Variants in MOK observed in about 807,000 individuals in gnomAD.
MOK encodes the protein MAPK/MAK/MRK overlapping kinase.
A neutral mutation model predicts 54.2 loss-of-function variants in MOK; 59 were observed. The observed-to-expected ratio is 1.09, with a 90% CI of 0.88 to 1.35. The LOEUF is 1.35. Ranked by LOEUF, MOK falls within the 40% of genes most tolerant of loss-of-function variation. The pLI, the probability that MOK is intolerant of heterozygous loss-of-function variation, is 0.00. For synonymous variants in MOK, 210 were observed against 202.7 expected (o/e 1.04, Z -0.31); for missense variants, 517 against 526.2 (o/e 0.98, Z 0.17).
At chr14:102,250,725 A>C (rs2066457763) in intron 7 of MOK, 87 bp downstream of exon 7, 1 of 1,239,598 alleles carries the variant, frequency 8.1e-7, no homozygotes. Flanking sequence ...AATGACCATG[A>C]CATCTGGATT....
At chr14:102,278,730 C>G (rs902987344) in intron 2 of MOK, 1 of 455,956 alleles carries the variant, frequency 2.2e-6, no homozygotes, top group South Asian at 1.5e-5. Context: ...CTCCCAGGGC[C>G]GCAGTGAGGA....
At chr14:102,277,838 C>T (rs1160108758) in intron 2 of MOK, among the ~76,000 whole-genome samples, 1 of 152,128 alleles carries the variant, frequency 6.6e-6, no homozygotes, top group Non-Finnish European at 1.5e-5. Flanking sequence ...TACAGATAAA[C>T]AATGTGCACT....
chr14:102,229,164 C>G lies in MOK; in HGVS notation c.*125G>C, dbSNP rs925613466. The G allele has an allele frequency of 4.2e-5, 44 of 1,055,772 alleles. No individual in the cohort carries two copies. Among genetic ancestry groups the G allele is most frequent in the Middle Eastern group, 3.1e-4 (1 of 3,198 alleles). 65.4% of individuals were successfully genotyped at this position (1,055,772 alleles called of 1,614,324 possible). ...GGGCGCAGGGCAGCACCCAGAGCCC[C>G]GGCCAGCGCGAAACGGACGCAGGCG... On this transcript the variant is annotated 3_prime_UTR_variant, in exon 12 of 12. Transcript: ENST00000361847.
intron 2 of MOK, among the ~76,000 whole-genome samples, chr14:102,267,164 T>C (rs974389193): frequency 6.6e-6 from 1 of 152,266 alleles, no homozygotes; most frequent in African/African-American, 2.4e-5. Flanking sequence ...GGACTATTTT[T>C]TCAACTGGCA....
chr14:102,265,785 C>G (rs747893179), intron 3 of MOK, 38 bp downstream of exon 3: 4 of 1,505,786 alleles, frequency 2.7e-6, no homozygotes, highest in Non-Finnish European at 3.7e-6. Flanking sequence ...TTATTTTCAT[C>G]AAATTTAGAT....
At chr14:102,276,791 CAAA>C (rs34807608) in intron 2 of MOK, among the ~76,000 whole-genome samples, 5 of 100,896 alleles carry the variant, frequency 5.0e-5, no homozygotes, top group Admixed American at 1.1e-4. Context: ...AACTCCGTCT[CAAA>C]AAAAAAAAAA....
chr14:102,226,178 C>T (rs955413360), downstream of MOK: 50 of 602,774 alleles, frequency 8.3e-5, no homozygotes, highest in Non-Finnish European at 1.4e-4. The surrounding 1 kb of genome is among the most constrained non-coding windows in gnomAD (Gnocchi z 4.8). Context: ...CTGCTTCTCC[C>T]TGCAAGGCCT....
At chr14:102,226,378 T>G, downstream of MOK, 1 of 703,114 alleles carries the variant, frequency 1.4e-6, no homozygotes, top group Non-Finnish European at 2.6e-6. This position sits in a 1 kb window ranked among gnomAD's most constrained non-coding sequence, Gnocchi z 4.8. Flanking sequence ...GGAGGACGGC[T>G]GAGGCCTCAT....
At chr14:102,298,008 G>T (rs1471566012) in intron 1 of MOK, among the ~76,000 whole-genome samples, 1 of 152,290 alleles carries the variant, frequency 6.6e-6, no homozygotes, top group East Asian at 1.9e-4. Context: ...AAGCCTCCCC[G>T]AGGAGCACCG....
At chr14:102,222,422 C>T (rs970048921), downstream of MOK, among the ~76,000 whole-genome samples, 1 of 152,222 alleles carries the variant, frequency 6.6e-6, no homozygotes, top group Non-Finnish European at 1.5e-5. This position sits in a 1 kb window ranked among gnomAD's most constrained non-coding sequence, Gnocchi z 4.4. Flanking sequence ...CTCCGAGGGA[C>T]TGGGTGTGCG....
At chr14:102,217,664 T>G in the MOK span, among the ~76,000 whole-genome samples, 4 of 152,244 alleles carry the variant, frequency 2.6e-5, no homozygotes, top group Non-Finnish European at 5.9e-5. Context: ...ATGTAGAGAC[T>G]GGCTTCGGGT....
chr14:102,297,154 A>G (rs1001417157), intron 1 of MOK, among the ~76,000 whole-genome samples: 6 of 152,194 alleles, frequency 3.9e-5, no homozygotes, highest in African/African-American at 7.2e-5. Context: ...TCAGGAGATC[A>G]AGACCATCCT....
At chr14:102,246,495 C>A (rs1195884061) in intron 7 of MOK, among the ~76,000 whole-genome samples, 1 of 152,098 alleles carries the variant, frequency 6.6e-6, no homozygotes, top group Non-Finnish European at 1.5e-5. Flanking sequence ...TAATCTCACA[C>A]ACTCCTTACT....
intron 2 of MOK, among the ~76,000 whole-genome samples, chr14:102,268,215 T>TAGAC (rs1372554437): frequency 2.0e-5 from 3 of 152,226 alleles, no homozygotes; most frequent in African/African-American, 7.2e-5. Context: ...GATTCTTTCA[T>TAGAC]GTCTCCACAG....
chr14:102,259,442 G>A (rs939760387), intron 4 of MOK, among the ~76,000 whole-genome samples: 1 of 152,162 alleles, frequency 6.6e-6, no homozygotes, highest in Admixed American at 6.6e-5. Context: ...GGCAGCAACA[G>A]AGCTTAATGC....
At chr14:102,301,802 G>A (rs984484079) in intron 1 of MOK, among the ~76,000 whole-genome samples, 3 of 152,082 alleles carry the variant, frequency 2.0e-5, no homozygotes, top group Non-Finnish European at 4.4e-5. Context: ...CTACCAAAAT[G>A]ACCATCTAAA....
chr14:102,233,468 C>A, intron 8 of MOK: 1 of 526,376 alleles, frequency 1.9e-6, no homozygotes, highest in Middle Eastern at 5.2e-4. Flanking sequence ...TGTGACAAAT[C>A]TTTCTGTGAT....
At chr14:102,215,896 C>T in the MOK span, among the ~76,000 whole-genome samples, 1 of 152,322 alleles carries the variant, frequency 6.6e-6, no homozygotes, top group South Asian at 2.1e-4. Flanking sequence ...CTGAGCAGCG[C>T]CCTGGCACCC....
rs984723564 is a variant in MOK, at chr14:102,229,154, C to T, written c.*135G>A. ...GGGTGCGGCAGGGCGCAGGGCAGCACCCAGAGCCCCGGCCAGCGCGAAACG... is the reference window on the plus strand; with the variant it reads ...GGGTGCGGCAGGGCGCAGGGCAGCATCCAGAGCCCCGGCCAGCGCGAAACG... On this transcript the variant is annotated 3_prime_UTR_variant, in exon 12 of 12. Coordinates refer to ENST00000361847, the MANE Select transcript of MOK (RefSeq NM_014226.3). The T allele has an allele frequency of 3.1e-6, 3 of 968,050 alleles. No homozygotes were observed. The South Asian group carries it at 5.1e-5, about 16-fold the overall frequency. 60.0% of individuals were successfully genotyped at this position (968,050 alleles called of 1,614,324 possible).
Sources: allele counts gnomAD v4.1 joint callset (sites outside exome capture counted in the v4.1 genomes callset), GRCh38; gene constraint gnomAD v4.1.1; non-coding constraint Gnocchi (gnomAD v3.1); transcripts MANE v1.5; gene names NCBI Gene and HGNC (gene_info 2026-07-23, HGNC 2026-07-21).